The following HECTD2 variants were observed in gnomAD, a reference collection of about 807,000 sequenced individuals.
HECTD2 encodes HECT domain E3 ubiquitin protein ligase 2, also known as probable E3 ubiquitin-protein ligase HECTD2.
Under a neutral mutation model 103.2 loss-of-function variants are expected in HECTD2, and 35 were observed. The observed-to-expected ratio is 0.34, with a 90% confidence interval of 0.26 to 0.45. The LOEUF (loss-of-function observed/expected upper bound fraction) is 0.45, where lower values mean the gene tolerates loss of function less well. Among genes scored for constraint, HECTD2 ranks in the 20% least tolerant of loss-of-function variants. The pLI is 1.00. For synonymous variants in HECTD2, 281 were observed against 329.9 expected (o/e 0.85, Z 1.61); for missense variants, 596 against 937.4 (o/e 0.64, Z 4.76).
At chr10:91,485,066 A>T (rs1846219298) in intron 9 of HECTD2, 114 bp from the exon 10 acceptor site, 1 of 647,056 alleles carries the variant, frequency 1.5e-6, no homozygotes, top group Non-Finnish European at 2.5e-6. Flanking sequence ...ATTTATTTAA[A>T]ATAGGAGTTT....
chr10:91,436,239 A>G (rs774516044), intron 2 of HECTD2, among the ~76,000 whole-genome samples: 1 of 151,986 alleles, frequency 6.6e-6, no homozygotes, highest in Non-Finnish European at 1.5e-5. Flanking sequence ...TGAGGGAACC[A>G]AGATGGATGA....
At chr10:91,504,881 G>T (rs1480634918) in intron 20 of HECTD2, among the ~76,000 whole-genome samples, 2 of 152,158 alleles carry the variant, frequency 1.3e-5, no homozygotes, top group Admixed American at 1.3e-4. Flanking sequence ...CAGAGAGAAA[G>T]GTCGGTTTAC....
chr10:91,425,401 A>G lies in HECTD2; in HGVS notation c.259A>G (p.Ile87Val), dbSNP rs748414092. The change falls in exon 2 of 21, where the codon ATC becomes GTC. Residue 87 changes from isoleucine (I) to valine (V), a missense_variant. Physicochemically the swap from Ile to Val is conservative, Grantham distance 29. This residue lies in a region of HECTD2 where 220 missense variants were observed against 233.9 expected (regional missense o/e 0.94). Transcript: ENST00000298068. ...ACCTGCACATCTTGTTTTCCCTAACATCAAGAATGGTAAATAATTTTTAAA... is the reference window on the plus strand; with the variant it reads ...ACCTGCACATCTTGTTTTCCCTAACGTCAAGAATGGTAAATAATTTTTAAA... The part of the protein sequence containing the change: ...SSPAHLVFPN[I>V]KNVREPPPIC... 4 of 1,542,598 alleles carry G rather than the reference A, an allele frequency of 2.6e-6. No individual in the cohort carries two copies. The highest frequency in any genetic ancestry group is 3.5e-6 in the Non-Finnish European group (4 of 1,141,984).
At chr10:91,431,203 T>C (rs1001581876) in intron 2 of HECTD2, among the ~76,000 whole-genome samples, 9 of 151,866 alleles carry the variant, frequency 5.9e-5, no homozygotes, top group African/African-American at 2.2e-4. Flanking sequence ...TGTTGAATAT[T>C]GGCCACCACT....
chr10:91,431,651 C>T (rs1843878137), intron 2 of HECTD2, among the ~76,000 whole-genome samples: 1 of 152,046 alleles, frequency 6.6e-6, no homozygotes, highest in Non-Finnish European at 1.5e-5. Context: ...CACTGATACC[C>T]TTTCTTCCAG....
intron 1 of HECTD2, among the ~76,000 whole-genome samples, chr10:91,419,823 T>C (rs573935664): frequency 6.6e-6 from 1 of 152,180 alleles, no homozygotes; most frequent in Admixed American, 6.5e-5. Flanking sequence ...GCCCACTGTT[T>C]GTAGGCTGGC....
chr10:91,462,257 G>T, intron 5 of HECTD2, 73 bp downstream of exon 5: 2 of 1,416,572 alleles, frequency 1.4e-6, no homozygotes, highest in Non-Finnish European at 9.4e-7. Context: ...TACAAATATT[G>T]TAAAAATCAC....
rs141348612 is a variant in HECTD2 at position 91,499,139 on chromosome 10, A to C, written c.1939A>C (p.Asn647His). 9.5e-5 allele frequency: 152 copies of C among 1,599,190 alleles called. 2 individuals are homozygous for C. In the Admixed American group the frequency reaches 1.2e-3, roughly 12 times the overall value. Reference sequence around the variant, plus strand: ...TGGATTTCATAGTGTGTGTGCTTCAAATGCCCTAATGGTGAGTTTATAACT... The same window carrying C: ...TGGATTTCATAGTGTGTGTGCTTCACATGCCCTAATGGTGAGTTTATAACT... Reference protein sequence around the residue: ...YYGFHSVCASNALMLLRPEEV... With the variant: ...YYGFHSVCASHALMLLRPEEV... Residue 647 changes from asparagine to histidine, a missense_variant, in exon 18 of 21, where the codon AAT becomes CAT. Asn to His is a moderately conservative substitution (Grantham distance 68, BLOSUM62 1). Transcript: ENST00000298068.
chr10:91,499,231 G>A, intron 18 of HECTD2, 81 bp downstream of exon 18: 1 of 725,282 alleles, frequency 1.4e-6, no homozygotes. Flanking sequence ...AAATATTTTA[G>A]TAGATAAGCT....
intron 5 of HECTD2, chr10:91,464,708 AGCTATAGTTGGAGCACACACCAT>A (rs913753694): frequency 3.2e-5 from 5 of 154,182 alleles, no homozygotes; most frequent in African/African-American, 9.6e-5. Context: ...ATGCTGACAC[AGCTATAGTTGGAGCACACACCAT>A]GCTACCTGTG....
intron 5 of HECTD2, among the ~76,000 whole-genome samples, chr10:91,476,467 GTCT>G (rs1330613488): frequency 3.3e-5 from 5 of 152,184 alleles, no homozygotes; most frequent in Admixed American, 6.5e-5. Flanking sequence ...GGACTGGGAA[GTCT>G]TCTTTGTTGA....
intron 2 of HECTD2, among the ~76,000 whole-genome samples, chr10:91,450,161 T>G (rs1411567588): frequency 6.6e-6 from 1 of 152,150 alleles, no homozygotes. Context: ...AGCACAGTAC[T>G]GGTACCAAAA....
chr10:91,454,041 A>G (rs371197008), intron 2 of HECTD2, among the ~76,000 whole-genome samples: 7 of 151,686 alleles, frequency 4.6e-5, no homozygotes, highest in African/African-American at 1.7e-4. Context: ...CAGGAGAAAA[A>G]CTGGTAGACC....
chr10:91,450,513 G>A (rs771825289), intron 2 of HECTD2, among the ~76,000 whole-genome samples: 5 of 151,984 alleles, frequency 3.3e-5, no homozygotes, highest in African/African-American at 7.2e-5. Context: ...ACAAAAGCCA[G>A]AATTGACACA....
At chr10:91,484,802 A>G (rs576018066) in intron 9 of HECTD2, 147 bp downstream of exon 9, 2 of 669,188 alleles carry the variant, frequency 3.0e-6, no homozygotes, top group Non-Finnish European at 4.8e-6. Flanking sequence ...TTCTACTTTG[A>G]TAATAGATTT....
At chr10:91,441,826 C>CT (rs1354885997) in intron 2 of HECTD2, among the ~76,000 whole-genome samples, 3 of 101,220 alleles carry the variant, frequency 3.0e-5, no homozygotes, top group Non-Finnish European at 5.9e-5. Context: ...TGCCCTTCGT[C>CT]TTTTTGGATC....
At chr10:91,424,268 C>A (rs1355920637) in intron 1 of HECTD2, among the ~76,000 whole-genome samples, 1 of 152,114 alleles carries the variant, frequency 6.6e-6, no homozygotes, top group African/African-American at 2.4e-5. Context: ...AATCAGATGG[C>A]TCTACCTAAC....
chr10:91,478,143 T>A, intron 5 of HECTD2, 58 bp from the exon 6 acceptor site: 1 of 1,103,444 alleles, frequency 9.1e-7, no homozygotes, highest in South Asian at 1.3e-5. Context: ...ATAATTAACA[T>A]ATAAACGTCA....
At chr10:91,416,036 A>G (rs1843113487) in intron 1 of HECTD2, among the ~76,000 whole-genome samples, 1 of 7,018 alleles carries the variant, frequency 1.4e-4, no homozygotes, top group East Asian at 0.026. Context: ...CTCTTTGTCA[A>G]CTTTTTTTTT....
Sources: gnomAD v4.1 joint callset for allele counts (sites outside exome capture counted in the v4.1 genomes callset) on GRCh38, gnomAD v4.1.1 for gene constraint, gnomAD v4.1.1 regional missense constraint, MANE v1.5 for transcripts, NCBI Gene and HGNC (gene_info 2026-07-23, HGNC 2026-07-21) for gene names.